G3BP2: variants seen among roughly 807,000 people sequenced by gnomAD.
G3BP2 encodes G3BP stress granule assembly factor 2, also known as ras GTPase-activating protein-binding protein 2.
In G3BP2, 11 loss-of-function variants were observed where a neutral mutation model predicts 56.7. The observed-to-expected ratio is 0.19, with a 90% CI of 0.12 to 0.32. G3BP2 has a LOEUF of 0.32. Ranked by LOEUF, G3BP2 falls within the 10% of genes least tolerant of loss-of-function variation. The pLI is 1.00. For missense variants in G3BP2, 340 were observed against 610.9 expected, an observed-to-expected ratio of 0.56 and a Z score of 4.67; for synonymous variants, 165 against 191.6, an observed-to-expected ratio of 0.86 and a Z score of 1.15.
intron 3 of G3BP2, among the ~76,000 whole-genome samples, chr4:75,719,415 T>C (rs1560426127): frequency 6.6e-6 from 1 of 151,870 alleles, no homozygotes; most frequent in African/African-American, 2.4e-5. Context: ...CTAATCATTA[T>C]TGAGTACTTA....
intron 8 of G3BP2, among the ~76,000 whole-genome samples, chr4:75,651,438 ATAT>A (rs1731694132): frequency 6.6e-6 from 1 of 152,244 alleles, no homozygotes; most frequent in Non-Finnish European, 1.5e-5. Context: ...ATAAAGTTAA[ATAT>A]TAATAATTTC....
In G3BP2 at chr4:75,644,491, G is replaced by A. The variant is rs980092525; in HGVS notation, c.*939C>T. 3.9e-5 allele frequency: 6 copies of A among 152,556 alleles called. No individual in the cohort carries two copies. The highest frequency in any genetic ancestry group is 7.3e-5 in the Non-Finnish European group (5 of 68,030). The allele number at this position is 152,556 out of a possible 1,614,324, so 9.5% of individuals were successfully genotyped here. A position where few individuals can be genotyped will look rare whatever the true frequency, so the allele number is the denominator to read the frequency against. ...AGCACAGCAATTCATACACTATACT[G>A]TACAAAATTACCAGCAAGACTGGAA... On this transcript the variant is annotated 3_prime_UTR_variant, in exon 12 of 12. Transcript: ENST00000359707.
intron 9 of G3BP2, 68 bp from the exon 10 acceptor site, chr4:75,647,225 G>T: frequency 2.0e-6 from 2 of 1,021,854 alleles, no homozygotes; most frequent in Non-Finnish European, 2.8e-6. Context: ...AGGAGTGAAT[G>T]TAAAAATCAC....
intron 3 of G3BP2, among the ~76,000 whole-genome samples, chr4:75,695,513 G>T (rs1232954681): frequency 1.3e-5 from 2 of 152,154 alleles, no homozygotes; most frequent in Non-Finnish European, 2.9e-5. Flanking sequence ...TAGGAAAAAA[G>T]TTAGGCTTGA....
chr4:75,698,495 A>C (rs953922152), intron 3 of G3BP2, among the ~76,000 whole-genome samples: 5 of 152,072 alleles, frequency 3.3e-5, no homozygotes, highest in Non-Finnish European at 7.4e-5. Context: ...TTGCCTACTG[A>C]CTTCCAGTGG....
At chr4:75,665,446 C>T (rs1029801802) in intron 1 of G3BP2, among the ~76,000 whole-genome samples, 2 of 152,146 alleles carry the variant, frequency 1.3e-5, no homozygotes, top group Non-Finnish European at 2.9e-5. Context: ...CTCACATATG[C>T]TACATTTAAA....
Position 75,658,849 on chromosome 4 carries a change from G to C in G3BP2, c.171C>G (p.Gly57=), listed in dbSNP as rs745977649. 6.3e-7 allele frequency: 1 copy of C among 1,594,438 alleles called. No individual in the cohort carries two copies. The highest frequency in any genetic ancestry group is 1.3e-5 in the African/African-American group (1 of 74,688). Reference sequence around the variant, plus strand: ...ATATGAAATTGATACTTACATTTTGGCCATAAACAGCTTCCTGGGGCTTTC... The same window carrying C: ...ATATGAAATTGATACTTACATTTTGCCCATAAACAGCTTCCTGGGGCTTTC... ...ASGKPQEAVY[G]QNDIHHKVLS... The change falls in exon 3 of 12, where the codon GGC becomes GGG. Residue 57 remains glycine, a synonymous_variant. Coordinates refer to ENST00000359707, the MANE Select transcript of G3BP2 (RefSeq NM_203505.3).
At chr4:75,673,910 C>T (rs917669962), upstream of G3BP2, 1 of 166,302 alleles carries the variant, frequency 6.0e-6, no homozygotes, top group Admixed American at 6.4e-5. Flanking sequence ...TTAACCCATC[C>T]TAGGTTTTAA....
intron 3 of G3BP2, among the ~76,000 whole-genome samples, chr4:75,715,515 C>G (rs1239408520): frequency 6.6e-6 from 1 of 152,178 alleles, no homozygotes; most frequent in African/African-American, 2.4e-5. Flanking sequence ...TCTCTGAACA[C>G]AGTGGCTTAC....
chr4:75,669,690 T>G (rs979727676), intron 1 of G3BP2, among the ~76,000 whole-genome samples: 16 of 152,386 alleles, frequency 1.0e-4, no homozygotes, highest in Admixed American at 5.9e-4. Context: ...TCTCTGCGCC[T>G]TTGTCTTACT....
intron 3 of G3BP2, among the ~76,000 whole-genome samples, chr4:75,713,156 A>G (rs1719818098): frequency 6.6e-6 from 1 of 152,210 alleles, no homozygotes; most frequent in Non-Finnish European, 1.5e-5. Context: ...TATTGAGAGA[A>G]TATGTCCATA....
At chr4:75,653,063 T>C (rs1400978971) in intron 8 of G3BP2, among the ~76,000 whole-genome samples, 3 of 151,738 alleles carry the variant, frequency 2.0e-5, no homozygotes, top group African/African-American at 7.3e-5. Flanking sequence ...GGTGACCATC[T>C]TACATAAGGG....
At chr4:75,669,576 T>A (rs1027193573) in intron 1 of G3BP2, among the ~76,000 whole-genome samples, 2 of 152,248 alleles carry the variant, frequency 1.3e-5, no homozygotes, top group Non-Finnish European at 2.9e-5. Context: ...ACATTCAATG[T>A]CATAACCAAC....
chr4:75,696,189 T>C (rs1719114266), intron 3 of G3BP2, among the ~76,000 whole-genome samples: 1 of 152,052 alleles, frequency 6.6e-6, no homozygotes, highest in African/African-American at 2.4e-5. Flanking sequence ...GAAACCAGAC[T>C]GCAAGGGGTT....
chr4:75,680,277 G>A (rs1464049180), intron 3 of G3BP2, among the ~76,000 whole-genome samples: 1 of 152,132 alleles, frequency 6.6e-6, no homozygotes. Flanking sequence ...CTTCTGAGGG[G>A]GGATAGGAAG....
chr4:75,668,976 A>T (rs1215463870), intron 1 of G3BP2, among the ~76,000 whole-genome samples: 1 of 152,188 alleles, frequency 6.6e-6, no homozygotes, highest in East Asian at 1.9e-4. Flanking sequence ...TCTCCTTTGA[A>T]TGCAATTCTC....
At chr4:75,653,601 AAAAAAC>A (rs1402006101) in intron 8 of G3BP2, among the ~76,000 whole-genome samples, 1 of 151,042 alleles carries the variant, frequency 6.6e-6, no homozygotes, top group African/African-American at 2.4e-5. Flanking sequence ...AAAAAAAAAA[AAAAAAC>A]AAAAACGATT....
chr4:75,647,583 T>A (rs941075622), intron 9 of G3BP2, among the ~76,000 whole-genome samples: 1 of 152,210 alleles, frequency 6.6e-6, no homozygotes, highest in African/African-American at 2.4e-5. Flanking sequence ...ACAGCAATCA[T>A]CACATTTATG....
chr4:75,707,305 A>T (rs1719586057), intron 3 of G3BP2, among the ~76,000 whole-genome samples: 1 of 151,982 alleles, frequency 6.6e-6, no homozygotes, highest in Admixed American at 6.6e-5. Flanking sequence ...AAAGAAATTG[A>T]CCTGAGATAA....
Sources: gnomAD v4.1 joint callset for allele counts (sites outside exome capture counted in the v4.1 genomes callset) on GRCh38, gnomAD v4.1.1 for gene constraint, MANE v1.5 for transcripts, NCBI Gene and HGNC (gene_info 2026-07-23, HGNC 2026-07-21) for gene names.